The following ZFHX3 variants were observed in gnomAD, a reference collection of about 807,000 sequenced individuals.
The protein encoded by ZFHX3 is zinc finger homeobox protein 3.
ZFHX3 carries 42 observed loss-of-function variants against 279.1 expected under a neutral mutation model. The ratio of observed to expected loss-of-function variants is 0.15; its 90% CI spans 0.12 to 0.19. ZFHX3 has a LOEUF of 0.19. Ranked by LOEUF, ZFHX3 falls within the 10% of genes least tolerant of loss-of-function variation. The probability of loss-of-function intolerance (pLI) is 1.00; values close to 1 mark genes in which losing one functional copy is unlikely to be tolerated. For synonymous variants in ZFHX3, 2,293 were observed against 1,957.8 expected (o/e 1.17, Z -4.52); for missense variants, 4,981 against 4,754.0 (o/e 1.05, Z -1.40).
chr16:73,759,257 C>T (rs1261997447), intron 1 of ZFHX3, among the ~76,000 whole-genome samples: 2 of 152,198 alleles, frequency 1.3e-5, no homozygotes, highest in African/African-American at 4.8e-5. Context: ...ACGTGACTCC[C>T]ATCACATGAG....
intron 2 of ZFHX3, among the ~76,000 whole-genome samples, chr16:73,530,506 C>T (rs2019780713): frequency 6.6e-6 from 1 of 152,118 alleles, no homozygotes; most frequent in East Asian, 1.9e-4. Flanking sequence ...TTACAATAGG[C>T]ATTTCAGGTT....
chr16:73,270,294 G>A (rs2014104525), intron 4 of ZFHX3, among the ~76,000 whole-genome samples: 3 of 152,112 alleles, frequency 2.0e-5, no homozygotes. Context: ...GTTGAAGACA[G>A]GTCTCATGCA....
chr16:73,459,019 T>C (rs1883010613), intron 2 of ZFHX3, among the ~76,000 whole-genome samples: 1 of 152,184 alleles, frequency 6.6e-6, no homozygotes, highest in African/African-American at 2.4e-5. Context: ...CTATCACACC[T>C]ATCTGCCCTG....
intron 2 of ZFHX3, among the ~76,000 whole-genome samples, chr16:73,634,786 G>A (rs1338858231): frequency 6.6e-6 from 1 of 152,136 alleles, no homozygotes; most frequent in East Asian, 1.9e-4. Flanking sequence ...AGAAATTAGA[G>A]AGAAAGATAA....
intron 1 of ZFHX3, among the ~76,000 whole-genome samples, chr16:72,968,804 G>A (rs1037887141): frequency 1.3e-5 from 2 of 152,170 alleles, no homozygotes; most frequent in Admixed American, 1.3e-4. Context: ...TTATAAAAGA[G>A]AATGTCTTTG....
chr16:73,683,853 T>C (rs2053051661), intron 1 of ZFHX3, among the ~76,000 whole-genome samples: 1 of 152,226 alleles, frequency 6.6e-6, no homozygotes. Flanking sequence ...ATGTTATTTG[T>C]TGTTCAGAGA....
At chr16:73,533,579 C>T (rs569463268) in intron 2 of ZFHX3, among the ~76,000 whole-genome samples, 3 of 152,104 alleles carry the variant, frequency 2.0e-5, no homozygotes, top group Non-Finnish European at 4.4e-5. Context: ...CTAGCTCAGA[C>T]GTCCCTTCCA....
At chr16:73,217,652 A>T (rs2144916884) in intron 5 of ZFHX3, among the ~76,000 whole-genome samples, 1 of 151,514 alleles carries the variant, frequency 6.6e-6, no homozygotes, top group East Asian at 1.9e-4. Flanking sequence ...TAATGAAAAA[A>T]CCCCGTCAGG....
At chr16:73,461,135 T>C (rs1220710921) in intron 2 of ZFHX3, among the ~76,000 whole-genome samples, 2 of 152,258 alleles carry the variant, frequency 1.3e-5, no homozygotes, top group Non-Finnish European at 2.9e-5. Context: ...CCTTTTAATT[T>C]ATGTTTCCCA....
chr16:73,754,699 G>C (rs192624890), intron 1 of ZFHX3, among the ~76,000 whole-genome samples: 2 of 152,228 alleles, frequency 1.3e-5, no homozygotes, highest in Admixed American at 6.5e-5. Context: ...TCTGAATTGA[G>C]ACAGGCTTTT....
intron 3 of ZFHX3, among the ~76,000 whole-genome samples, chr16:73,438,487 A>G (rs2018033021): frequency 6.6e-6 from 1 of 152,220 alleles, no homozygotes; most frequent in Non-Finnish European, 1.5e-5. Context: ...ACATAACTAG[A>G]TAAAAGAAAT....
At chr16:73,820,969 T>G (rs962907115) in intron 1 of ZFHX3, among the ~76,000 whole-genome samples, 1 of 152,078 alleles carries the variant, frequency 6.6e-6, no homozygotes, top group African/African-American at 2.4e-5. Flanking sequence ...ATGTCATTCT[T>G]GCAGTCAACT....
At chr16:73,784,799 AT>A (rs1567409713) in intron 1 of ZFHX3, among the ~76,000 whole-genome samples, 1 of 118,674 alleles carries the variant, frequency 8.4e-6, no homozygotes, top group Non-Finnish European at 1.8e-5. Context: ...AAAAAAAAAT[AT>A]ATATATATAT....
At chr16:73,293,113 A>G (rs773233087) in intron 4 of ZFHX3, among the ~76,000 whole-genome samples, 2 of 152,198 alleles carry the variant, frequency 1.3e-5, no homozygotes, top group Admixed American at 6.5e-5. Context: ...TTTTAGACCA[A>G]CCTACCAGAA....
At chr16:73,347,183 T>G (rs2016139516) in intron 3 of ZFHX3, among the ~76,000 whole-genome samples, 1 of 152,238 alleles carries the variant, frequency 6.6e-6, no homozygotes, top group Non-Finnish European at 1.5e-5. Context: ...CCAATTCATG[T>G]CATCCCAAAC....
Position 73,010,024 on chromosome 16 carries a change from G to GAAA in ZFHX3, c.-50+37725_-50+37727dup, listed in dbSNP as rs10709712. On this transcript the variant is annotated intron_variant, in intron 1 of 9. Transcript: ENST00000268489. ...TTACAGAGCGAGACTCCCTCTCAAAGAAAAAAAAAAAAAAAAAAACTCATA... is the reference window on the plus strand; with the variant it reads ...TTACAGAGCGAGACTCCCTCTCAAAGAAAAAAAAAAAAAAAAAAAAAACTCATA... Among the ~76,000 whole-genome samples, 9 of 84,652 alleles carry GAAA rather than the reference G, an allele frequency of 1.1e-4. No homozygotes were observed. The East Asian group carries it at 1.4e-3, about 13-fold the overall frequency. The allele number at this position is 84,652 out of a possible 152,430, so 55.5% of individuals were successfully genotyped here.
upstream of ZFHX3, among the ~76,000 whole-genome samples, chr16:73,049,494 AT>A (rs1244644868): frequency 6.6e-6 from 1 of 152,228 alleles, no homozygotes; most frequent in East Asian, 1.9e-4. Flanking sequence ...TTTTTGCACA[AT>A]GTAAGTTGGG....
In ZFHX3 at chr16:72,959,616, G is replaced by A. The variant is rs202071159; in HGVS notation, c.530C>T (p.Ala177Val). The change falls in exon 2 of 10, where the codon GCG (alanine) becomes GTG (valine). Residue 177 changes from alanine to valine, a missense_variant. By Grantham distance (64) the Ala-to-Val change is moderately conservative. Around this residue, in one of 7 missense-constraint regions of ZFHX3, gnomAD observed 1,068 missense variants for 935.2 expected, o/e 1.14. Transcript: ENST00000268489. ...PSLFLNSLPG[A>V]GGKQGDPSCA... The stretch of plus-strand genomic sequence containing the variant: ...CGAAGGGTCCCCTTGCTTGCCCCCC[G>A]CGCCAGGGAGAGAGTTCAGGAAAAG... 1.3e-3 allele frequency: 2,132 copies of A among 1,614,078 alleles called. 38 individuals carry two copies. In the South Asian group the frequency reaches 0.021, roughly 16 times the overall value.
intron 3 of ZFHX3, among the ~76,000 whole-genome samples, chr16:73,393,697 A>T (rs1159946825): frequency 6.6e-6 from 1 of 152,154 alleles, no homozygotes; most frequent in Non-Finnish European, 1.5e-5. Flanking sequence ...CCAAAACGAG[A>T]GGACAATGGT....
Sources: gnomAD v4.1 joint callset for allele counts (sites outside exome capture counted in the v4.1 genomes callset) on GRCh38, gnomAD v4.1.1 for gene constraint, gnomAD v4.1.1 regional missense constraint, MANE v1.5 for transcripts, NCBI Gene and HGNC (gene_info 2026-07-23, HGNC 2026-07-21) for gene names.